Variants in TRPM3 observed in about 807,000 individuals in gnomAD.
TRPM3 encodes the protein transient receptor potential cation channel subfamily M member 3.
TRPM3 carries 77 observed loss-of-function variants against 181.2 expected under a neutral mutation model. The observed-to-expected ratio is 0.42, with a 90% CI of 0.35 to 0.51. TRPM3 has a LOEUF of 0.51. Among genes scored for constraint, TRPM3 ranks in the 20% least tolerant of loss-of-function variants. The pLI is 0.01. For missense variants in TRPM3, 1,759 were observed against 2,196.7 expected (o/e 0.80, Z 3.98); for synonymous variants, 745 against 796.4 (o/e 0.94, Z 1.09).
At chr9:70,566,816 C>A (rs761426314) in intron 22 of TRPM3, among the ~76,000 whole-genome samples, 1 of 152,124 alleles carries the variant, frequency 6.6e-6, no homozygotes, top group South Asian at 2.1e-4. Flanking sequence ...AAATGGAGGG[C>A]GAAGGAAAAT....
At chr9:70,802,054 A>G (rs1453272604) in intron 6 of TRPM3, among the ~76,000 whole-genome samples, 1 of 152,238 alleles carries the variant, frequency 6.6e-6, no homozygotes. Flanking sequence ...CTGAGAATGT[A>G]CATTTCAAGG....
At chr9:71,147,424 GACACACACACACAC>G (rs34795244) in intron 1 of TRPM3, among the ~76,000 whole-genome samples, 1 of 144,928 alleles carries the variant, frequency 6.9e-6, no homozygotes, top group African/African-American at 2.6e-5. Flanking sequence ...GCAACACACA[GACACACACACACAC>G]ACACACACAC....
chr9:70,839,982 C>A (rs2094542061), intron 5 of TRPM3, among the ~76,000 whole-genome samples: 1 of 152,220 alleles, frequency 6.6e-6, no homozygotes, highest in Non-Finnish European at 1.5e-5. Context: ...GTGTAAGAAG[C>A]TTACCAGATA....
intron 1 of TRPM3, among the ~76,000 whole-genome samples, chr9:70,964,798 T>G (rs1305923777): frequency 2.0e-5 from 3 of 152,114 alleles, no homozygotes; most frequent in African/African-American, 7.2e-5. Context: ...CTAGTTCTAT[T>G]TCAGCAATCA....
chr9:70,997,653 C>A (rs1051942351), intron 1 of TRPM3, among the ~76,000 whole-genome samples: 1 of 152,086 alleles, frequency 6.6e-6, no homozygotes, highest in Non-Finnish European at 1.5e-5. Flanking sequence ...GGGAGACTGG[C>A]ATGTTTTGCA....
At chr9:71,289,120 ACACTTAAAAAGGCAT>A (rs1274195918) in intron 1 of TRPM3, among the ~76,000 whole-genome samples, 1 of 151,954 alleles carries the variant, frequency 6.6e-6, no homozygotes, top group Non-Finnish European at 1.5e-5. Flanking sequence ...ACACACTTTA[ACACTTAAAAAGGCAT>A]CACAAAATAT....
At chr9:71,199,714 G>A (rs2078649043) in intron 1 of TRPM3, among the ~76,000 whole-genome samples, 1 of 147,102 alleles carries the variant, frequency 6.8e-6, no homozygotes, top group South Asian at 2.2e-4. Context: ...GGGATCGGTG[G>A]TGATATCCCC....
intron 1 of TRPM3, among the ~76,000 whole-genome samples, chr9:71,163,099 C>A (rs1228968463): frequency 6.6e-6 from 1 of 152,098 alleles, no homozygotes; most frequent in East Asian, 1.9e-4. Flanking sequence ...ATGAAATGGT[C>A]CTTGTGTTGA....
chr9:70,800,808 ATT>A (rs76229143), intron 6 of TRPM3, among the ~76,000 whole-genome samples: 1 of 151,624 alleles, frequency 6.6e-6, no homozygotes, highest in Non-Finnish European at 1.5e-5. Context: ...TATCAATAGT[ATT>A]TTTTTTTGAG....
intron 1 of TRPM3, among the ~76,000 whole-genome samples, chr9:71,109,123 C>G (rs1396644996): frequency 6.6e-6 from 1 of 152,164 alleles, no homozygotes; most frequent in Admixed American, 6.6e-5. Context: ...ACAGCAGACT[C>G]GAGCTAAAAT....
At chr9:70,895,419 G>A (rs961627341) in intron 1 of TRPM3, among the ~76,000 whole-genome samples, 2 of 152,116 alleles carry the variant, frequency 1.3e-5, no homozygotes, top group East Asian at 1.9e-4. Flanking sequence ...ATAAAACTAC[G>A]TAACATCTGG....
intron 1 of TRPM3, among the ~76,000 whole-genome samples, chr9:71,393,216 A>C (rs999272635): frequency 6.6e-6 from 1 of 152,210 alleles, no homozygotes; most frequent in Admixed American, 6.5e-5. Flanking sequence ...AGGTTTCTAT[A>C]GCAATAAAAC....
intron 1 of TRPM3, among the ~76,000 whole-genome samples, chr9:71,237,069 G>GA (rs3041693): frequency 0.014 from 1,853 of 134,128 alleles, 63 homozygotes; most frequent in East Asian, 0.075. Context: ...AAGGGGGGGG[G>GA]AAAAAAAGAA....
chr9:71,209,398 A>AGGGG, intron 1 of TRPM3, among the ~76,000 whole-genome samples: 1 of 6,256 alleles, frequency 1.6e-4, no homozygotes, highest in African/African-American at 3.6e-4. Context: ...GAGAGGGGGA[A>AGGGG]GGAGGGAGGG....
intron 1 of TRPM3, among the ~76,000 whole-genome samples, chr9:70,872,672 C>G (rs1044911200): frequency 1.3e-5 from 2 of 151,846 alleles, no homozygotes; most frequent in Non-Finnish European, 2.9e-5. Flanking sequence ...TTCCTGAGGG[C>G]AGTGATTTTG....
At chr9:71,127,946 TC>T (rs2074145941) in intron 1 of TRPM3, among the ~76,000 whole-genome samples, 1 of 152,210 alleles carries the variant, frequency 6.6e-6, no homozygotes, top group Non-Finnish European at 1.5e-5. Context: ...TAGAAGAAGT[TC>T]CCACACATGC....
chr9:70,876,669 A>G (rs952146317), intron 1 of TRPM3, among the ~76,000 whole-genome samples: 4 of 151,770 alleles, frequency 2.6e-5, no homozygotes, highest in African/African-American at 4.8e-5. Context: ...ACTCATGTAG[A>G]GTTCTAATCT....
chr9:70,786,443 C>G (rs557514676), intron 6 of TRPM3, among the ~76,000 whole-genome samples: 1 of 151,564 alleles, frequency 6.6e-6, no homozygotes, highest in African/African-American at 2.4e-5. Context: ...CAAGATCACA[C>G]GATTGTGCTC....
chr9:71,431,907 C>T (rs532220616), intron 1 of TRPM3, among the ~76,000 whole-genome samples: 1 of 152,180 alleles, frequency 6.6e-6, no homozygotes, highest in South Asian at 2.1e-4. Flanking sequence ...TCATTATGCT[C>T]TTTCACTTAC....
Sources: gnomAD v4.1 joint callset for allele counts (sites outside exome capture counted in the v4.1 genomes callset) on GRCh38, gnomAD v4.1.1 for gene constraint, MANE v1.5 for transcripts, NCBI Gene and HGNC (gene_info 2026-07-23, HGNC 2026-07-21) for gene names.